MAGEC3: variants seen among roughly 807,000 people sequenced by gnomAD.
The protein encoded by MAGEC3 is MAGE family member C3.
In MAGEC3, 34 loss-of-function variants were observed where a neutral mutation model predicts 35.3. That is an observed-to-expected ratio of 0.96 (90% confidence interval 0.73 to 1.28). MAGEC3 has a LOEUF of 1.28. Ranked by LOEUF, MAGEC3 falls within the 50% of genes most tolerant of loss-of-function variation. The pLI is 0.00. For missense variants in MAGEC3, 561 were observed against 483.6 expected (o/e 1.16, Z -1.50); for synonymous variants, 202 against 185.6 (o/e 1.09, Z -0.72).
chrX:141,895,237 G>C (rs760835409), intron 4 of MAGEC3, 32 bp from the exon 5 acceptor site: 1 of 1,193,330 alleles, frequency 8.4e-7, no homozygotes, highest in South Asian at 1.8e-5. Context: ...CCATGGAGAG[G>C]AGGCCCCACC....
intron 1 of MAGEC3, among the ~76,000 whole-genome samples, chrX:141,861,661 G>T (rs1424738681): frequency 9.0e-6 from 1 of 111,703 alleles, no homozygotes; most frequent in Non-Finnish European, 1.9e-5. Context: ...AAGCCATCAA[G>T]AACATACACT....
chrX:141,870,359 G>A (rs1055253856), intron 2 of MAGEC3, among the ~76,000 whole-genome samples: 1 of 111,225 alleles, frequency 9.0e-6, no homozygotes, highest in Non-Finnish European at 1.9e-5. Flanking sequence ...TACCTGTTAA[G>A]ACCCTTGACA....
chrX:141,843,744 C>T (rs983098444), intron 1 of MAGEC3, among the ~76,000 whole-genome samples: 4 of 110,892 alleles, frequency 3.6e-5, no homozygotes, highest in Non-Finnish European at 5.7e-5. Flanking sequence ...AAGCCTTGCC[C>T]ACATACCAAG....
chrX:141,870,936 C>A (rs1450482216), intron 2 of MAGEC3, among the ~76,000 whole-genome samples: 2 of 112,026 alleles, frequency 1.8e-5, no homozygotes, highest in South Asian at 3.7e-4. Flanking sequence ...ATAATGTAGA[C>A]CACATTTTTA....
At chrX:141,895,774 G>T (rs976296734) in intron 6 of MAGEC3, among the ~76,000 whole-genome samples, 4 of 109,119 alleles carry the variant, frequency 3.7e-5, no homozygotes, top group Non-Finnish European at 7.7e-5. Flanking sequence ...GCCTTGGTCT[G>T]GGGGGTTCCA....
At chrX:141,855,689 A>G (rs1364068116) in intron 1 of MAGEC3, among the ~76,000 whole-genome samples, 3 of 111,922 alleles carry the variant, frequency 2.7e-5, no homozygotes, top group Non-Finnish European at 5.7e-5. Context: ...GTAAGTAGCA[A>G]CATTAAACTT....
At chrX:141,873,595 A>G (rs923630650) in intron 2 of MAGEC3, among the ~76,000 whole-genome samples, 17 of 111,912 alleles carry the variant, frequency 1.5e-4, no homozygotes, top group African/African-American at 5.5e-4. Flanking sequence ...TGCTCTGTCA[A>G]TAGTAAATAA....
At chrX:141,862,789 T>A (rs1214500007) in intron 1 of MAGEC3, among the ~76,000 whole-genome samples, 1 of 111,786 alleles carries the variant, frequency 8.9e-6, no homozygotes, top group Non-Finnish European at 1.9e-5. Flanking sequence ...TGTGAGTGAA[T>A]GGTTTCAGCA....
chrX:141,838,403 G>A lies in MAGEC3; in HGVS notation c.88G>A (p.Ala30Thr), dbSNP rs897919161. The change falls in exon 1 of 8, where the codon GCC becomes ACC. Residue 30 changes from alanine (A) to threonine (T), a missense_variant. Ala to Thr is a moderately conservative substitution (Grantham distance 58). Coordinates refer to ENST00000298296, the MANE Select transcript of MAGEC3 (RefSeq NM_138702.1). ...QWVKNTCATYALSPVVLPPQP... is the reference protein window; with the variant it reads ...QWVKNTCATYTLSPVVLPPQP... ...GGTGAAAAACACATGTGCCACATATGCCTTATCCCCAGTGGTGCTCCCACC... is the reference window on the plus strand; with the variant it reads ...GGTGAAAAACACATGTGCCACATATACCTTATCCCCAGTGGTGCTCCCACC... 5.0e-6 allele frequency: 6 copies of A among 1,210,982 alleles called. No individual in the cohort carries two copies. In the East Asian group the frequency reaches 1.5e-4, roughly 30 times the overall value.
intron 2 of MAGEC3, among the ~76,000 whole-genome samples, chrX:141,866,812 T>C (rs16979906): frequency 0.07 from 7,813 of 111,845 alleles, 451 homozygotes; most frequent in African/African-American, 0.2. Flanking sequence ...AAATAAGAAA[T>C]GAAGCAAGAT....
At chrX:141,883,963 T>C (rs1206589054) in intron 4 of MAGEC3, among the ~76,000 whole-genome samples, 3 of 113,417 alleles carry the variant, frequency 2.6e-5, no homozygotes, top group Admixed American at 9.3e-5. Context: ...CACAGGCACA[T>C]GTACAGCTGT....
intron 4 of MAGEC3, among the ~76,000 whole-genome samples, chrX:141,885,869 A>T (rs1178226324): frequency 1.8e-5 from 2 of 110,159 alleles, no homozygotes; most frequent in African/African-American, 6.6e-5. Context: ...CCCAGCTGAG[A>T]GGGTCCAGAA....
chrX:141,889,880 C>T (rs748398076), intron 4 of MAGEC3, among the ~76,000 whole-genome samples: 21 of 112,796 alleles, frequency 1.9e-4, no homozygotes, highest in African/African-American at 6.1e-4. Flanking sequence ...TGACCAGTTG[C>T]AGAAACGAGG....
intron 4 of MAGEC3, among the ~76,000 whole-genome samples, chrX:141,885,266 G>T (rs757872508): frequency 9.0e-6 from 1 of 111,198 alleles, no homozygotes; most frequent in Non-Finnish European, 1.9e-5. Context: ...GATATTAAGG[G>T]TGTGGGATAA....
chrX:141,890,709 G>A (rs970238675), intron 4 of MAGEC3, among the ~76,000 whole-genome samples: 1 of 112,029 alleles, frequency 8.9e-6, no homozygotes, highest in African/African-American at 3.2e-5. Flanking sequence ...AAAATGAGGA[G>A]ACTTACTATC....
chrX:141,871,971 G>A (rs2017891107), intron 2 of MAGEC3, among the ~76,000 whole-genome samples: 1 of 109,759 alleles, frequency 9.1e-6, no homozygotes, highest in African/African-American at 3.3e-5. Context: ...TACAGAAGGG[G>A]TTCATCTGCA....
intron 4 of MAGEC3, among the ~76,000 whole-genome samples, chrX:141,883,923 C>T (rs1056379735): frequency 8.8e-5 from 10 of 113,174 alleles, no homozygotes; most frequent in African/African-American, 3.2e-4. Context: ...GTGTACCTGC[C>T]CCACAGGAAA....
chrX:141,838,474 A>G, intron 1 of MAGEC3, 36 bp downstream of exon 1: 1 of 1,188,533 alleles, frequency 8.4e-7, no homozygotes, highest in Admixed American at 2.2e-5. Flanking sequence ...TCTAAGCCCC[A>G]GGTTAACAGC....
At chrX:141,871,179 A>AT (rs966631453) in intron 2 of MAGEC3, among the ~76,000 whole-genome samples, 1 of 111,633 alleles carries the variant, frequency 9.0e-6, no homozygotes, top group Non-Finnish European at 1.9e-5. Context: ...TAGTTATAAG[A>AT]TTTTTTATTT....
Sources: gnomAD v4.1 joint callset for allele counts (sites outside exome capture counted in the v4.1 genomes callset) on GRCh38, gnomAD v4.1.1 for gene constraint, MANE v1.5 for transcripts, NCBI Gene and HGNC (gene_info 2026-07-23, HGNC 2026-07-21) for gene names.